IQSEC1: variants seen among roughly 807,000 people sequenced by gnomAD.
IQSEC1 encodes IQ motif and Sec7 domain ArfGEF 1.
IQSEC1 carries 31 observed loss-of-function variants against 91.0 expected under a neutral mutation model. That is an observed-to-expected ratio of 0.34 (90% CI 0.26 to 0.46). The LOEUF (loss-of-function observed/expected upper bound fraction) is 0.46. Ranked by LOEUF, IQSEC1 falls within the 20% of genes least tolerant of loss-of-function variation. IQSEC1 has a pLI of 1.00. For missense variants in IQSEC1, 1,388 were observed against 1,575.6 expected (o/e 0.88, Z 2.02); for synonymous variants, 699 against 662.6 (o/e 1.05, Z -0.84).
At chr3:13,032,003 G>T (rs61300884) in intron 1 of IQSEC1, among the ~76,000 whole-genome samples, 5,139 of 152,194 alleles carry the variant, frequency 0.034, 289 homozygotes, top group African/African-American at 0.12. Flanking sequence ...AGAGCACAAA[G>T]AACCCCTGTA....
rs1315878268 is a variant in IQSEC1, at chr3:13,073,396, A to G, written c.-382T>C. On this transcript the variant is annotated 5_prime_UTR_variant, in exon 1 of 14. Transcript: ENST00000613206. ...CGGGGATGAGGAGGGGAGGGTCGAG[A>G]GAAGGCTGCCCCGGGTTTGCTCTCG... Among the ~76,000 whole-genome samples the G allele has an allele frequency of 2.0e-5, 3 of 151,994 alleles. No individual in the cohort carries two copies. The highest frequency in any genetic ancestry group is 7.2e-5 in the African/African-American group (3 of 41,396).
At chr3:13,022,004 G>A (rs1018208922) in intron 1 of IQSEC1, 3 of 1,219,374 alleles carry the variant, frequency 2.5e-6, no homozygotes, top group Admixed American at 4.2e-5. Flanking sequence ...CGACAGCCAG[G>A]CAGAGCAGCC....
At chr3:13,227,049 T>C (rs1240451910) in intron 1 of IQSEC1, among the ~76,000 whole-genome samples, 1 of 151,898 alleles carries the variant, frequency 6.6e-6, no homozygotes, top group Non-Finnish European at 1.5e-5. Context: ...GCCACTGTAG[T>C]CCAGCCTGGG....
intron 1 of IQSEC1, among the ~76,000 whole-genome samples, chr3:13,236,928 C>G (rs1359392158): frequency 6.6e-6 from 1 of 152,164 alleles, no homozygotes; most frequent in East Asian, 1.9e-4. Context: ...TTGAAGGCTG[C>G]TCTGCTTGTC....
intron 1 of IQSEC1, among the ~76,000 whole-genome samples, chr3:13,252,105 T>C (rs1559286707): frequency 1.3e-5 from 2 of 152,154 alleles, no homozygotes; most frequent in South Asian, 4.1e-4. Flanking sequence ...ACTAAGTACA[T>C]TCATAGTGCT....
intron 1 of IQSEC1, among the ~76,000 whole-genome samples, chr3:12,978,359 A>C (rs914817293): frequency 6.6e-6 from 1 of 152,152 alleles, no homozygotes; most frequent in Non-Finnish European, 1.5e-5. Context: ...TTTGAAATGC[A>C]AATTCCCACC....
rs185536481 is a variant in IQSEC1 at position 13,206,587 on chromosome 3, T to C, written c.273-42454A>G. 9.1e-4 allele frequency among the ~76,000 whole-genome samples: 139 copies of C among 152,322 alleles called. 1 individual carries two copies. Among genetic ancestry groups the C allele is most frequent in the Non-Finnish European group, 1.5e-3 (103 of 68,024 alleles). ...TGTGCCCTTTGTTACACATGAGCTA[T>C]GCCTTAATTAAAATTTTGCAAATCA... On this transcript the variant is annotated intron_variant, in intron 1 of 15. Coordinates refer to the IQSEC1 transcript ENST00000648114.
At chr3:13,082,100 G>A (rs1385264609) in intron 2 of IQSEC1, among the ~76,000 whole-genome samples, 41 of 152,184 alleles carry the variant, frequency 2.7e-4, no homozygotes, top group Admixed American at 2.6e-3. Flanking sequence ...CAGGGCAGCA[G>A]CGTGTGGTCA....
rs1305619243 is a variant in IQSEC1 at position 12,967,472 on chromosome 3, G to A, written c.24-25607C>T. On this transcript the variant is annotated intron_variant, in intron 1 of 13. Coordinates refer to ENST00000613206, the MANE Select transcript of IQSEC1 (RefSeq NM_001134382.3). This position sits in a 1 kb window ranked among gnomAD's most constrained non-coding sequence, Gnocchi z 5.9. Reference sequence around the variant, plus strand: ...CACATGGCGGCCGCAGTGGGAGCGGGCCGGGCCGGGAGCCGGGACCCAGGC... The same window carrying A: ...CACATGGCGGCCGCAGTGGGAGCGGACCGGGCCGGGAGCCGGGACCCAGGC... 2.7e-6 allele frequency: 4 copies of A among 1,504,494 alleles called. No homozygotes were observed. Among genetic ancestry groups the A allele is most frequent in the Non-Finnish European group, 8.8e-7 (1 of 1,132,536 alleles). The allele number at this position is 1,504,494 out of a possible 1,614,324, so 93.2% of individuals were successfully genotyped here.
intron 2 of IQSEC1, among the ~76,000 whole-genome samples, chr3:13,131,004 G>GGGAAGGAAGGAAC: frequency 7.8e-6 from 1 of 127,630 alleles, no homozygotes; most frequent in South Asian, 2.6e-4. Context: ...AAAAGAAGGA[G>GGGAAGGAAGGAAC]GGAAGGAAGG....
chr3:13,112,739 C>G (rs1706269568), intron 2 of IQSEC1, among the ~76,000 whole-genome samples: 1 of 152,204 alleles, frequency 6.6e-6, no homozygotes, highest in South Asian at 2.1e-4. Context: ...AGCAGGCCCA[C>G]CTGCCCCTAT....
chr3:13,010,804 ACTTGCCTTC>A (rs1323854363), intron 1 of IQSEC1, among the ~76,000 whole-genome samples: 1 of 152,062 alleles, frequency 6.6e-6, no homozygotes, highest in Non-Finnish European at 1.5e-5. Context: ...TCTGGGCCCC[ACTTGCCTTC>A]CTTTTTGTCC....
chr3:13,012,964 CTTTT>C (rs35541458), intron 1 of IQSEC1, among the ~76,000 whole-genome samples: 1 of 97,542 alleles, frequency 1.0e-5, no homozygotes. Context: ...AAAGTCTGGG[CTTTT>C]TTTTTTTTTT....
intron 1 of IQSEC1, among the ~76,000 whole-genome samples, chr3:13,035,929 C>G (rs768076353): frequency 6.6e-6 from 1 of 152,200 alleles, no homozygotes; most frequent in Non-Finnish European, 1.5e-5. Flanking sequence ...TGGAGAGTCC[C>G]GTGCAGGTGT....
In IQSEC1 at chr3:12,897,997, G is replaced by C. The variant is rs1693817712; in HGVS notation, c.*2986C>G. Reference sequence around the variant, plus strand: ...AAAGACTTTTGTCACATTGCCAGCTGTTTCCCTCAGCGTCTCCTGCTCCTG... The same window carrying C: ...AAAGACTTTTGTCACATTGCCAGCTCTTTCCCTCAGCGTCTCCTGCTCCTG... On this transcript the variant is annotated 3_prime_UTR_variant, in exon 14 of 14. Coordinates refer to ENST00000613206, the MANE Select transcript of IQSEC1 (RefSeq NM_001134382.3). 1 of 152,252 alleles carries C rather than the reference G, an allele frequency of 6.6e-6. No homozygotes were observed. The highest frequency in any genetic ancestry group is 1.5e-5 in the Non-Finnish European group (1 of 68,040). 9.4% of individuals were successfully genotyped at this position (152,252 alleles called of 1,614,324 possible).
At chr3:13,107,246 G>A (rs1706165658) in intron 2 of IQSEC1, among the ~76,000 whole-genome samples, 1 of 152,222 alleles carries the variant, frequency 6.6e-6, no homozygotes, top group Non-Finnish European at 1.5e-5. Context: ...TGCACAGATG[G>A]TCAGGGCAGA....
intron 1 of IQSEC1, among the ~76,000 whole-genome samples, chr3:13,019,044 A>C (rs77278014): frequency 0.053 from 8,136 of 152,310 alleles, 304 homozygotes; most frequent in Non-Finnish European, 0.076. Flanking sequence ...ATGACCTGCC[A>C]AGAAGCCCGC....
chr3:13,130,359 A>AAAG (rs1553567655), intron 2 of IQSEC1, among the ~76,000 whole-genome samples: 15 of 148,468 alleles, frequency 1.0e-4, no homozygotes, highest in African/African-American at 3.6e-4. Flanking sequence ...AAAAAAAAAA[A>AAAG]AAAGAAAGAA....
In IQSEC1 at chr3:12,924,508, G is replaced by T; in HGVS notation, c.1730+73C>A. ...GTAGGGTGGGCCTGGCCCTGTGTGTGCCCACGGGTAACACAGGGTGCGTGA... is the reference window on the plus strand; with the variant it reads ...GTAGGGTGGGCCTGGCCCTGTGTGTTCCCACGGGTAACACAGGGTGCGTGA... On this transcript the variant is annotated intron_variant, in intron 4 of 13. Coordinates refer to ENST00000613206, the MANE Select transcript of IQSEC1 (RefSeq NM_001134382.3). The surrounding 1 kb of genome is among the most constrained non-coding windows in gnomAD (Gnocchi z 6.3). 1 of 1,454,218 alleles carries T rather than the reference G, an allele frequency of 6.9e-7. No homozygotes were observed. The highest frequency in any genetic ancestry group is 9.3e-7 in the Non-Finnish European group (1 of 1,077,224). 90.1% of individuals were successfully genotyped at this position (1,454,218 alleles called of 1,614,324 possible). A position where few individuals can be genotyped will look rare whatever the true frequency, so the allele number is the denominator to read the frequency against.
Sources: allele counts gnomAD v4.1 joint callset (sites outside exome capture counted in the v4.1 genomes callset), GRCh38; gene constraint gnomAD v4.1.1; non-coding constraint Gnocchi (gnomAD v3.1); transcripts MANE v1.5; gene names NCBI Gene and HGNC (gene_info 2026-07-23, HGNC 2026-07-21).